EPB41L4A: variants seen among roughly 807,000 people sequenced by gnomAD.
EPB41L4A encodes the protein band 4.1-like protein 4A.
A neutral mutation model predicts 108.6 loss-of-function variants in EPB41L4A; 100 were observed. That is an observed-to-expected ratio of 0.92 (90% CI 0.78 to 1.09). EPB41L4A has a LOEUF of 1.09. Among genes scored for constraint, EPB41L4A ranks in the 50% least tolerant of loss-of-function variants. EPB41L4A has a pLI of 0.00. For synonymous variants in EPB41L4A, 319 were observed against 289.0 expected (o/e 1.10, Z -1.05); for missense variants, 1,030 against 842.7 (o/e 1.22, Z -2.75).
chr5:112,217,787 A>T (rs1037798615), intron 12 of EPB41L4A, among the ~76,000 whole-genome samples: 2 of 152,168 alleles, frequency 1.3e-5, no homozygotes, highest in Non-Finnish European at 2.9e-5. Flanking sequence ...GACTTTTTAG[A>T]CACCAATTTT....
intron 12 of EPB41L4A, among the ~76,000 whole-genome samples, chr5:112,153,476 C>A (rs1307574974): frequency 6.6e-6 from 1 of 150,622 alleles, no homozygotes. Flanking sequence ...TTGCAGTGAG[C>A]CAAGATAGCG....
At chr5:112,396,097 C>G (rs1761326752) in intron 1 of EPB41L4A, among the ~76,000 whole-genome samples, 1 of 151,584 alleles carries the variant, frequency 6.6e-6, no homozygotes, top group African/African-American at 2.4e-5. Flanking sequence ...TGGGGCCTGT[C>G]GTGGGGTTGG....
At chr5:112,282,358 C>A (rs868505724) in intron 2 of EPB41L4A, among the ~76,000 whole-genome samples, 1 of 152,164 alleles carries the variant, frequency 6.6e-6, no homozygotes, top group South Asian at 2.1e-4. Flanking sequence ...GTTTTACTAT[C>A]CCCTGAATTT....
chr5:112,303,891 C>T (rs371994883), intron 2 of EPB41L4A, among the ~76,000 whole-genome samples: 3 of 152,098 alleles, frequency 2.0e-5, no homozygotes, highest in South Asian at 2.1e-4. Flanking sequence ...AGGAGGGGAA[C>T]GGGAGGTTCT....
At chr5:112,261,562 T>C (rs1325429693) in intron 7 of EPB41L4A, among the ~76,000 whole-genome samples, 2 of 152,200 alleles carry the variant, frequency 1.3e-5, no homozygotes, top group African/African-American at 4.8e-5. Flanking sequence ...GAATAATCAA[T>C]TGGTAGCCTA....
At chr5:112,240,889 A>T in intron 9 of EPB41L4A, 79 bp from the exon 10 acceptor site, 1 of 786,246 alleles carries the variant, frequency 1.3e-6, no homozygotes, top group Non-Finnish European at 2.1e-6. Flanking sequence ...GCCCCCTTTA[A>T]GTAACAAAAA....
chr5:112,251,171 T>C (rs2150409983), intron 9 of EPB41L4A, among the ~76,000 whole-genome samples: 1 of 152,286 alleles, frequency 6.6e-6, no homozygotes, highest in African/African-American at 2.4e-5. Context: ...CTTCTATACA[T>C]TGTAGTTGGA....
At chr5:112,269,518 T>C (rs958926620) in intron 4 of EPB41L4A, among the ~76,000 whole-genome samples, 1 of 152,172 alleles carries the variant, frequency 6.6e-6, no homozygotes, top group African/African-American at 2.4e-5. Flanking sequence ...TGCTGAGTCT[T>C]TCCTTCTGTG....
At chr5:112,264,679 C>A (rs375254301) in intron 6 of EPB41L4A, 1 of 374,678 alleles carries the variant, frequency 2.7e-6, no homozygotes, top group Non-Finnish European at 4.6e-6. Context: ...AAAATGGTAA[C>A]TTTACATATT....
intron 1 of EPB41L4A, among the ~76,000 whole-genome samples, chr5:112,348,958 A>G (rs945646425): frequency 2.0e-5 from 3 of 152,202 alleles, no homozygotes; most frequent in African/African-American, 7.2e-5. Flanking sequence ...TGGGGAGACA[A>G]TGTACAGAGA....
At chr5:112,280,837 C>T (rs1245893135) in intron 2 of EPB41L4A, among the ~76,000 whole-genome samples, 1 of 152,144 alleles carries the variant, frequency 6.6e-6, no homozygotes, top group Non-Finnish European at 1.5e-5. Flanking sequence ...TTTCCAAAGT[C>T]TCCATCATCC....
At position 112,266,391 on chromosome 5, in the gene EPB41L4A, G is replaced by A. The variant is rs77152091; in HGVS notation, c.336-61C>T. On this transcript the variant is annotated intron_variant, in intron 4 of 22. Coordinates refer to ENST00000261486, the MANE Select transcript of EPB41L4A (RefSeq NM_022140.5). ...TTACACTACTCAAACCTGAGGTTTC[G>A]GACCCTGATAATCAAGGTTAACAAC... 3.5e-3 allele frequency: 4,138 copies of A among 1,168,078 alleles called. 101 individuals are homozygous for A. In the African/African-American group the frequency reaches 0.056, roughly 16 times the overall value. 72.4% of individuals were successfully genotyped at this position (1,168,078 alleles called of 1,614,324 possible).
In EPB41L4A at chr5:112,163,956, G is replaced by C. The variant is rs778831428; in HGVS notation, c.*1034C>G. 6.6e-6 allele frequency: 1 copy of C among 152,232 alleles called. No individual in the cohort carries two copies. The highest frequency in any genetic ancestry group is 1.5e-5 in the Non-Finnish European group (1 of 68,078). The allele number at this position is 152,232 out of a possible 1,614,324, so 9.4% of individuals were successfully genotyped here. A position where few individuals can be genotyped will look rare whatever the true frequency, so the allele number is the denominator to read the frequency against. ...CTGGCAGCTGTGGAGAGAACTGTACGTGGTAAGGGGGAGATATAAGATGTC... is the reference window on the plus strand; with the variant it reads ...CTGGCAGCTGTGGAGAGAACTGTACCTGGTAAGGGGGAGATATAAGATGTC... On this transcript the variant is annotated 3_prime_UTR_variant, in exon 23 of 23. Coordinates refer to ENST00000261486, the MANE Select transcript of EPB41L4A (RefSeq NM_022140.5).
intron 11 of EPB41L4A, 68 bp downstream of exon 11, chr5:112,239,592 C>T: frequency 1.1e-6 from 1 of 911,434 alleles, no homozygotes; most frequent in Admixed American, 3.2e-5. Context: ...CTTCACTGAG[C>T]ATGTATGACA....
chr5:112,413,749 A>G (rs189170717), intron 1 of EPB41L4A, among the ~76,000 whole-genome samples: 12 of 152,332 alleles, frequency 7.9e-5, no homozygotes, highest in African/African-American at 2.2e-4. Flanking sequence ...ATGGTACACC[A>G]ATCAGCAGGA....
chr5:112,285,088 T>A (rs1753201955), intron 2 of EPB41L4A, among the ~76,000 whole-genome samples: 1 of 152,128 alleles, frequency 6.6e-6, no homozygotes, highest in Non-Finnish European at 1.5e-5. Context: ...CCCTAAAAAA[T>A]TTTTAAAAAG....
chr5:112,210,471 G>C (rs1191544409), intron 12 of EPB41L4A, among the ~76,000 whole-genome samples: 1 of 152,008 alleles, frequency 6.6e-6, no homozygotes, highest in Non-Finnish European at 1.5e-5. Context: ...ATATACATGT[G>C]ATCTGTATCA....
chr5:112,312,789 G>A (rs949274959), intron 1 of EPB41L4A, among the ~76,000 whole-genome samples: 1 of 152,058 alleles, frequency 6.6e-6, no homozygotes, highest in Non-Finnish European at 1.5e-5. Context: ...TATACACATG[G>A]ATAATTTCAT....
At chr5:112,361,483 CCCCTCTCCGAGAAACA>C (rs1265116763) in intron 1 of EPB41L4A, among the ~76,000 whole-genome samples, 41 of 107,702 alleles carry the variant, frequency 3.8e-4, no homozygotes, top group Middle Eastern at 4.2e-3. Context: ...CTGCCAAATC[CCCCTCTCCGAGAAACA>C]CCCAAGAATG....
Sources: allele counts gnomAD v4.1 joint callset (sites outside exome capture counted in the v4.1 genomes callset), GRCh38; gene constraint gnomAD v4.1.1; transcripts MANE v1.5; gene names NCBI Gene and HGNC (gene_info 2026-07-23, HGNC 2026-07-21).